Variants in GABRA5 observed in about 807,000 individuals in gnomAD.
GABRA5 encodes the protein gamma-aminobutyric acid receptor subunit alpha-5.
Under a neutral mutation model 47.3 loss-of-function variants are expected in GABRA5, and 18 were observed. The ratio of observed to expected loss-of-function variants is 0.38; its 90% confidence interval spans 0.26 to 0.56. GABRA5 has a LOEUF of 0.56. GABRA5 is among the 20% of genes least tolerant of loss of function. The pLI, the probability that GABRA5 is intolerant of heterozygous loss-of-function variation, is 0.71. For synonymous variants in GABRA5, 237 were observed against 229.3 expected, an observed-to-expected ratio of 1.03 and a Z score of -0.30; for missense variants, 365 against 599.3, an observed-to-expected ratio of 0.61 and a Z score of 4.08.
In GABRA5 at chr15:26,878,138, T is replaced by C. The variant is rs58733269; in HGVS notation, c.87-2708T>C. On this transcript the variant is annotated intron_variant, in intron 3 of 10. Coordinates refer to ENST00000335625, the MANE Select transcript of GABRA5 (RefSeq NM_000810.4). Reference sequence around the variant, plus strand: ...CCTGTAGGACTCATCCGTCACACGCTGCACATTAGTGCTCACCAAAGGCAT... The same window carrying C: ...CCTGTAGGACTCATCCGTCACACGCCGCACATTAGTGCTCACCAAAGGCAT... Among the ~76,000 whole-genome samples, 553 of 152,374 alleles carry C rather than the reference T, an allele frequency of 3.6e-3. 3 individuals are homozygous for C. Among genetic ancestry groups the C allele is most frequent in the African/African-American group, 0.013 (532 of 41,600 alleles).
chr15:26,871,936 T>A (rs1892483185), intron 3 of GABRA5, among the ~76,000 whole-genome samples: 1 of 152,194 alleles, frequency 6.6e-6, no homozygotes, highest in African/African-American at 2.4e-5. Flanking sequence ...GTAAGAGGAA[T>A]TTTACATCAG....
intron 6 of GABRA5, among the ~76,000 whole-genome samples, chr15:26,908,036 A>T (rs1185914465): frequency 6.6e-6 from 1 of 152,220 alleles, no homozygotes; most frequent in African/African-American, 2.4e-5. Context: ...GGCTCATGGG[A>T]AAGTTTCTGA....
intron 3 of GABRA5, among the ~76,000 whole-genome samples, chr15:26,870,948 T>C (rs948272571): frequency 6.6e-6 from 1 of 152,172 alleles, no homozygotes. Flanking sequence ...TCCCAGCACT[T>C]TGGGAGGCCA....
chr15:26,906,606 T>G (rs1893450268), intron 6 of GABRA5, among the ~76,000 whole-genome samples: 2 of 152,196 alleles, frequency 1.3e-5, no homozygotes, highest in South Asian at 4.1e-4. Context: ...TATGATGAAA[T>G]AAATGCTTTA....
intron 7 of GABRA5, among the ~76,000 whole-genome samples, chr15:26,930,017 TTTTTTG>T (rs1894060370): frequency 7.9e-6 from 1 of 127,378 alleles, no homozygotes. Context: ...TTTTTTTTTT[TTTTTTG>T]TTTTTTGTTT....
intron 6 of GABRA5, among the ~76,000 whole-genome samples, chr15:26,897,737 G>A (rs1197222501): frequency 1.3e-5 from 2 of 152,088 alleles, no homozygotes; most frequent in African/African-American, 4.8e-5. Flanking sequence ...TACTTTCCCT[G>A]TTACATGTCA....
intron 8 of GABRA5, 21 bp downstream of exon 8, chr15:26,937,349 G>C: frequency 6.3e-7 from 1 of 1,584,274 alleles, no homozygotes; most frequent in Non-Finnish European, 8.6e-7. Context: ...GGCACGCGCT[G>C]TGCTGCCAGG....
intron 3 of GABRA5, among the ~76,000 whole-genome samples, chr15:26,875,602 C>T (rs949354163): frequency 6.6e-6 from 1 of 152,044 alleles, no homozygotes; most frequent in African/African-American, 2.4e-5. Flanking sequence ...CCTGAACTGG[C>T]AGGAGGAATG....
At chr15:26,878,595 A>G (rs1892654454) in intron 3 of GABRA5, among the ~76,000 whole-genome samples, 1 of 152,174 alleles carries the variant, frequency 6.6e-6, no homozygotes, top group African/African-American at 2.4e-5. Flanking sequence ...CCTAGAGGCT[A>G]TCTTCAGTTA....
intron 4 of GABRA5, among the ~76,000 whole-genome samples, chr15:26,882,950 C>T (rs557707630): frequency 6.6e-6 from 1 of 152,304 alleles, no homozygotes; most frequent in African/African-American, 2.4e-5. Flanking sequence ...GGAGGAGAGC[C>T]AAGCTGTGTT....
intron 8 of GABRA5, chr15:26,939,580 G>A: frequency 1.6e-6 from 1 of 608,388 alleles, no homozygotes; most frequent in South Asian, 2.0e-5. Context: ...AGTTACATCT[G>A]GGGAGGCTAA....
chr15:26,882,948 G>T (rs1259200720), intron 4 of GABRA5, among the ~76,000 whole-genome samples: 2 of 152,208 alleles, frequency 1.3e-5, no homozygotes, highest in East Asian at 1.9e-4. Context: ...GAGGAGGAGA[G>T]CCAAGCTGTG....
chr15:26,872,939 T>C (rs1387006042), intron 3 of GABRA5, among the ~76,000 whole-genome samples: 1 of 152,222 alleles, frequency 6.6e-6, no homozygotes, highest in African/African-American at 2.4e-5. Flanking sequence ...CTTCTCCTTC[T>C]CTTGATCATA....
chr15:26,919,528 C>T (rs938910219), intron 7 of GABRA5, among the ~76,000 whole-genome samples: 1 of 152,094 alleles, frequency 6.6e-6, no homozygotes, highest in African/African-American at 2.4e-5. Flanking sequence ...TACTATTTCC[C>T]ACACACTTAT....
chr15:26,921,045 G>A (rs905946830), intron 7 of GABRA5, among the ~76,000 whole-genome samples: 1 of 152,058 alleles, frequency 6.6e-6, no homozygotes, highest in Non-Finnish European at 1.5e-5. Context: ...ATATATTGTT[G>A]AATTCAATTT....
rs79374136 is a variant in GABRA5 at position 26,869,975 on chromosome 15, C to G, written c.86+641C>G. The stretch of plus-strand genomic sequence containing the variant: ...AACTCTAACCTTTTTTTTCATGAAA[C>G]TAGTGATAACCCACATCGTGGATGA... On this transcript the variant is annotated intron_variant, in intron 3 of 10. Coordinates refer to ENST00000335625, the MANE Select transcript of GABRA5 (RefSeq NM_000810.4). Among the ~76,000 whole-genome samples, 1,431 of 152,156 alleles carry G rather than the reference C, an allele frequency of 9.4e-3. 19 individuals are homozygous for G. Among genetic ancestry groups the G allele is most frequent in the African/African-American group, 0.034 (1,397 of 41,496 alleles).
intron 6 of GABRA5, among the ~76,000 whole-genome samples, chr15:26,885,535 T>G (rs1417966950): frequency 6.6e-6 from 1 of 152,162 alleles, no homozygotes; most frequent in Non-Finnish European, 1.5e-5. Flanking sequence ...GGAGCTGTGA[T>G]GAGTGAGCCT....
chr15:26,879,583 T>C (rs941155076), intron 3 of GABRA5, among the ~76,000 whole-genome samples: 1 of 152,224 alleles, frequency 6.6e-6, no homozygotes, highest in African/African-American at 2.4e-5. Flanking sequence ...AAGAGCATTA[T>C]TCCTTTATTC....
chr15:26,939,436 T>C (rs755092978), intron 8 of GABRA5: 8 of 764,214 alleles, frequency 1.0e-5, no homozygotes, highest in Non-Finnish European at 1.9e-5. Flanking sequence ...AGCTGCTGCA[T>C]CTCACTCTGC....
Sources: allele counts gnomAD v4.1 joint callset (sites outside exome capture counted in the v4.1 genomes callset), GRCh38; gene constraint gnomAD v4.1.1; transcripts MANE v1.5; gene names NCBI Gene and HGNC (gene_info 2026-07-23, HGNC 2026-07-21).